The following AQP7B variants were observed in gnomAD, a reference collection of about 807,000 sequenced individuals.
The protein encoded by AQP7B is putative aquaporin-7B.
chr2:94,604,421 T>G, the AQP7B span: 67 of 1,611,378 alleles, frequency 4.2e-5, no homozygotes, highest in East Asian at 1.5e-3. Flanking sequence ...CTCTGTGGCG[T>G]ATGAAGACCA....
the AQP7B span, among the ~76,000 whole-genome samples, chr2:94,601,188 C>G: frequency 3.3e-5 from 5 of 152,194 alleles, no homozygotes; most frequent in African/African-American, 7.2e-5. Flanking sequence ...GGCTGTGTGA[C>G]CTTGGACAAG....
chr2:94,593,771 C>T, the AQP7B span, among the ~76,000 whole-genome samples: 1 of 152,054 alleles, frequency 6.6e-6, no homozygotes, highest in Admixed American at 6.5e-5. Flanking sequence ...TAGGCGTGAG[C>T]TACCGGGCCC....
the AQP7B span, among the ~76,000 whole-genome samples, chr2:94,589,214 C>T: frequency 1.4e-5 from 2 of 147,392 alleles, no homozygotes; most frequent in South Asian, 2.2e-4. Context: ...TCGCCATGTT[C>T]GCCAGGCTGT....
chr2:94,596,082 G>A, the AQP7B span, among the ~76,000 whole-genome samples: 1 of 152,226 alleles, frequency 6.6e-6, no homozygotes, highest in East Asian at 1.9e-4. Flanking sequence ...CATGACAGAG[G>A]GGGGCAGTGG....
At chr2:94,590,697 C>T in the AQP7B span, among the ~76,000 whole-genome samples, 6 of 152,092 alleles carry the variant, frequency 3.9e-5, no homozygotes, top group Middle Eastern at 3.4e-3. Flanking sequence ...AATCCCTGCA[C>T]CTTGGGAGGC....
chr2:94,594,172 A>T, the AQP7B span, among the ~76,000 whole-genome samples: 2 of 152,166 alleles, frequency 1.3e-5, no homozygotes, highest in African/African-American at 4.8e-5. Context: ...CTGGTTGCAC[A>T]GCCTCATGCA....
At chr2:94,602,605 C>G in the AQP7B span, 1 of 1,595,230 alleles carries the variant, frequency 6.3e-7, no homozygotes, top group East Asian at 2.2e-5. Context: ...ACGTGGCAGG[C>G]CGCATCTCTG....
At chr2:94,603,123 C>T in the AQP7B span, 18 of 1,560,062 alleles carry the variant, frequency 1.2e-5, no homozygotes, top group Non-Finnish European at 1.5e-5. Flanking sequence ...TGTGCTGGGG[C>T]AGTTCCTGGG....
the AQP7B span, among the ~76,000 whole-genome samples, chr2:94,590,155 T>A: frequency 6.6e-6 from 1 of 152,140 alleles, no homozygotes; most frequent in African/African-American, 2.4e-5. Flanking sequence ...GTATCCCTGG[T>A]GCTTGACTCA....
At chr2:94,589,425 G>A in the AQP7B span, among the ~76,000 whole-genome samples, 1 of 151,898 alleles carries the variant, frequency 6.6e-6, no homozygotes, top group Non-Finnish European at 1.5e-5. Context: ...TCATGGCTTT[G>A]CTCCAAGGCC....
At chr2:94,591,917 C>G in the AQP7B span, among the ~76,000 whole-genome samples, 1 of 152,166 alleles carries the variant, frequency 6.6e-6, no homozygotes, top group Non-Finnish European at 1.5e-5. Flanking sequence ...GCTCATCACA[C>G]TGCATAGTAA....
the AQP7B span, chr2:94,603,232 G>A: frequency 2.1e-6 from 3 of 1,415,882 alleles, no homozygotes; most frequent in South Asian, 2.5e-5. Context: ...TGAAATATGG[G>A]CAGATTGGAC....
chr2:94,596,403 G>T, the AQP7B span, among the ~76,000 whole-genome samples: 1 of 152,216 alleles, frequency 6.6e-6, no homozygotes, highest in African/African-American at 2.4e-5. Flanking sequence ...TGGGAAGGGA[G>T]GCAAAGGCAG....
the AQP7B span, among the ~76,000 whole-genome samples, chr2:94,596,167 C>A: frequency 6.6e-6 from 1 of 152,208 alleles, no homozygotes; most frequent in African/African-American, 2.4e-5. Context: ...GGCAAGAGGC[C>A]TTAGGGTTTG....
the AQP7B span, chr2:94,604,617 G>A: frequency 5.3e-4 from 798 of 1,514,364 alleles, 5 homozygotes; most frequent in African/African-American, 0.01. Context: ...ATAAAGCAAA[G>A]CTTGTCCCAC....
At chr2:94,603,186 G>A in the AQP7B span, 2 of 1,484,118 alleles carry the variant, frequency 1.3e-6, no homozygotes, top group Non-Finnish European at 1.9e-6. Flanking sequence ...CAAGTGTGCT[G>A]CCTGGGTGTC....
the AQP7B span, among the ~76,000 whole-genome samples, chr2:94,598,450 C>T: frequency 6.6e-6 from 1 of 152,096 alleles, no homozygotes; most frequent in African/African-American, 2.4e-5. Context: ...GCCATCCGGG[C>T]CCTGGAAAAC....
At chr2:94,591,276 G>A in the AQP7B span, among the ~76,000 whole-genome samples, 3 of 152,104 alleles carry the variant, frequency 2.0e-5, no homozygotes, top group Non-Finnish European at 2.9e-5. Context: ...TCCAGAAAGG[G>A]CCTCCTTGTC....
the AQP7B span, among the ~76,000 whole-genome samples, chr2:94,601,872 C>T: frequency 6.6e-6 from 1 of 152,052 alleles, no homozygotes; most frequent in Non-Finnish European, 1.5e-5. Context: ...AAGGTAGGCC[C>T]CTTCCCCTGT....
Sources: gnomAD v4.1 joint callset for allele counts (sites outside exome capture counted in the v4.1 genomes callset) on GRCh38, gnomAD v4.1.1 for gene constraint, MANE v1.5 for transcripts, NCBI Gene and HGNC (gene_info 2026-07-23, HGNC 2026-07-21) for gene names.